MAPKAP1: variants seen among roughly 807,000 people sequenced by gnomAD.
MAPKAP1 encodes the protein MAPK associated protein 1.
MAPKAP1 carries 20 observed loss-of-function variants against 65.7 expected under a neutral mutation model. That is an observed-to-expected ratio of 0.30 (90% CI 0.21 to 0.44). The LOEUF (loss-of-function observed/expected upper bound fraction) is 0.44, where lower values mean the gene tolerates loss of function less well. Ranked by LOEUF, MAPKAP1 falls within the 20% of genes least tolerant of loss-of-function variation. MAPKAP1 has a pLI of 1.00. For synonymous variants in MAPKAP1, 222 were observed against 244.3 expected (o/e 0.91, Z 0.85); for missense variants, 423 against 648.0 (o/e 0.65, Z 3.77).
At position 125,447,635 on chromosome 9, in the gene MAPKAP1, G is replaced by C; in HGVS notation, c.1346-3037C>G. 2.6e-6 allele frequency: 1 copy of C among 390,404 alleles called. No individual in the cohort carries two copies. Among genetic ancestry groups the C allele is most frequent in the South Asian group, 1.9e-5 (1 of 53,252 alleles). The allele number at this position is 390,404 out of a possible 1,614,324, so 24.2% of individuals were successfully genotyped here. A position where few individuals can be genotyped will look rare whatever the true frequency, so the allele number is the denominator to read the frequency against. On this transcript the variant is annotated intron_variant, in intron 10 of 11. Transcript: ENST00000265960. This position sits in a 1 kb window ranked among gnomAD's most constrained non-coding sequence, Gnocchi z 4.5. Reference sequence around the variant, plus strand: ...CCAGAAGGGCAGTTTTCCTCAGTCTGGGCTCTGCCAGGAGCATGGGCTAGA... The same window carrying C: ...CCAGAAGGGCAGTTTTCCTCAGTCTCGGCTCTGCCAGGAGCATGGGCTAGA...
At chr9:125,467,948 A>G (rs1388811113) in intron 10 of MAPKAP1, 24 bp downstream of exon 10, 1 of 1,611,848 alleles carries the variant, frequency 6.2e-7, no homozygotes, top group Admixed American at 1.7e-5. Flanking sequence ...GAGAAAGGAG[A>G]CATAAATAAA....
chr9:125,516,675 G>T (rs1234168543), intron 7 of MAPKAP1, among the ~76,000 whole-genome samples: 1 of 152,134 alleles, frequency 6.6e-6, no homozygotes, highest in African/African-American at 2.4e-5. Context: ...CAGATGTGTG[G>T]CAGTTGGAGT....
chr9:125,441,391 A>T (rs1432835112), intron 11 of MAPKAP1, among the ~76,000 whole-genome samples: 1 of 152,182 alleles, frequency 6.6e-6, no homozygotes, highest in Non-Finnish European at 1.5e-5. Flanking sequence ...TTGGGCCTCC[A>T]TCTCCTCTTC....
At chr9:125,642,449 T>G (rs1398266389) in intron 4 of MAPKAP1, among the ~76,000 whole-genome samples, 2 of 152,126 alleles carry the variant, frequency 1.3e-5, no homozygotes, top group Non-Finnish European at 2.9e-5. Flanking sequence ...CAAAGCTGAC[T>G]AAGACCAACT....
At chr9:125,514,600 T>C (rs760857438) in intron 7 of MAPKAP1, among the ~76,000 whole-genome samples, 2 of 152,334 alleles carry the variant, frequency 1.3e-5, no homozygotes, top group East Asian at 3.9e-4. Flanking sequence ...ATGCTGCCTA[T>C]AGCTTAAAAG....
At chr9:125,695,354 A>T (rs1403670108) in intron 1 of MAPKAP1, among the ~76,000 whole-genome samples, 1 of 152,202 alleles carries the variant, frequency 6.6e-6, no homozygotes, top group Admixed American at 6.5e-5. Flanking sequence ...CTAATTAGGT[A>T]ATTATGGCTT....
intron 6 of MAPKAP1, among the ~76,000 whole-genome samples, chr9:125,549,977 G>A (rs1431402120): frequency 2.0e-5 from 3 of 152,148 alleles, no homozygotes; most frequent in Non-Finnish European, 4.4e-5. Flanking sequence ...ACTGCCACTG[G>A]GTATTTATAA....
intron 6 of MAPKAP1, among the ~76,000 whole-genome samples, chr9:125,544,310 AT>A (rs543672584): frequency 4.2e-4 from 62 of 148,358 alleles, no homozygotes; most frequent in African/African-American, 3.4e-4. Flanking sequence ...ACCTGGCTGT[AT>A]TTTTTTTTTT....
intron 5 of MAPKAP1, chr9:125,565,741 CAAAAAAAAAAAA>C (rs71374275): frequency 8.7e-5 from 13 of 149,042 alleles, no homozygotes; most frequent in East Asian, 3.2e-4. Context: ...TTCTCTCCTG[CAAAAAAAAAAAA>C]AAAAAAAAAA....
intron 7 of MAPKAP1, among the ~76,000 whole-genome samples, chr9:125,518,177 G>A (rs753740016): frequency 2.0e-5 from 3 of 152,184 alleles, no homozygotes; most frequent in Non-Finnish European, 2.9e-5. Flanking sequence ...TTAAAGTACC[G>A]TTTTAATATA....
intron 4 of MAPKAP1, among the ~76,000 whole-genome samples, chr9:125,649,813 A>G (rs568955061): frequency 6.6e-5 from 10 of 151,962 alleles, no homozygotes; most frequent in East Asian, 1.9e-4. Flanking sequence ...AAAAAAAAAA[A>G]AAAAGAAAAG....
intron 3 of MAPKAP1, among the ~76,000 whole-genome samples, chr9:125,660,414 G>A (rs1029569640): frequency 6.6e-6 from 1 of 152,024 alleles, no homozygotes; most frequent in Non-Finnish European, 1.5e-5. Context: ...ACATTTCACC[G>A]AATGTAAAGC....
intron 8 of MAPKAP1, among the ~76,000 whole-genome samples, chr9:125,489,502 C>T (rs1854622854): frequency 6.6e-6 from 1 of 151,990 alleles, no homozygotes; most frequent in Non-Finnish European, 1.5e-5. Flanking sequence ...TGGGGTGGGG[C>T]CTAATAGTGA....
intron 6 of MAPKAP1, among the ~76,000 whole-genome samples, chr9:125,544,229 TG>T (rs1363303244): frequency 6.6e-6 from 1 of 151,878 alleles, no homozygotes; most frequent in Non-Finnish European, 1.5e-5. Context: ...AGGCTGGTCT[TG>T]AACTCCTGAC....
chr9:125,485,006 C>T (rs1043060471), intron 8 of MAPKAP1, among the ~76,000 whole-genome samples: 2 of 152,140 alleles, frequency 1.3e-5, no homozygotes, highest in African/African-American at 4.8e-5. Context: ...ATTCCCAAAA[C>T]GTCTTCTTTA....
intron 10 of MAPKAP1, among the ~76,000 whole-genome samples, chr9:125,460,975 A>T (rs114181678): frequency 2.1e-4 from 32 of 152,330 alleles, no homozygotes; most frequent in African/African-American, 7.0e-4. Flanking sequence ...CCTAAAGCAC[A>T]AGTCAGATGT....
chr9:125,594,144 C>T (rs893967235), intron 4 of MAPKAP1, among the ~76,000 whole-genome samples: 1 of 152,178 alleles, frequency 6.6e-6, no homozygotes, highest in Non-Finnish European at 1.5e-5. Flanking sequence ...CATCTGTCAG[C>T]GAGACCACTG....
intron 1 of MAPKAP1, among the ~76,000 whole-genome samples, chr9:125,702,863 A>G (rs565077172): frequency 1.2e-4 from 18 of 151,928 alleles, no homozygotes; most frequent in Non-Finnish European, 2.2e-4. Flanking sequence ...AAAAAAAGAA[A>G]AAAAAAAAAA....
At chr9:125,578,210 G>C (rs1451553015) in intron 5 of MAPKAP1, among the ~76,000 whole-genome samples, 1 of 152,176 alleles carries the variant, frequency 6.6e-6, no homozygotes, top group African/African-American at 2.4e-5. Flanking sequence ...GATGTGCTTT[G>C]TTAAACAGAT....
Sources: gnomAD v4.1 joint callset for allele counts (sites outside exome capture counted in the v4.1 genomes callset) on GRCh38, gnomAD v4.1.1 for gene constraint, Gnocchi (gnomAD v3.1) non-coding constraint, MANE v1.5 for transcripts, NCBI Gene and HGNC (gene_info 2026-07-23, HGNC 2026-07-21) for gene names.